Variants in KDM4C observed in about 807,000 individuals in gnomAD.
KDM4C encodes lysine demethylase 4C.
KDM4C carries 81 observed loss-of-function variants against 129.3 expected under a neutral mutation model. The observed-to-expected ratio is 0.63, with a 90% confidence interval of 0.52 to 0.75. KDM4C has a LOEUF of 0.75. Among genes scored for constraint, KDM4C ranks in the 30% least tolerant of loss-of-function variants. KDM4C has a pLI of 0.00. For missense variants in KDM4C, 1,457 were observed against 1,304.0 expected, an observed-to-expected ratio of 1.12 and a Z score of -1.81; for synonymous variants, 573 against 456.1, an observed-to-expected ratio of 1.26 and a Z score of -3.26.
chr9:6,827,142 C>G (rs1834018785), intron 4 of KDM4C, among the ~76,000 whole-genome samples: 1 of 152,184 alleles, frequency 6.6e-6, no homozygotes, highest in South Asian at 2.1e-4. Flanking sequence ...AGATTGAAGA[C>G]TTTATTAAAC....
chr9:7,154,345 G>C (rs1415594293), intron 19 of KDM4C, among the ~76,000 whole-genome samples: 1 of 152,216 alleles, frequency 6.6e-6, no homozygotes, highest in Non-Finnish European at 1.5e-5. Flanking sequence ...ACTGCCAGAG[G>C]AGCCAAACTA....
chr9:7,138,641 CTCT>C (rs1841447303), intron 19 of KDM4C, among the ~76,000 whole-genome samples: 1 of 151,868 alleles, frequency 6.6e-6, no homozygotes, highest in Non-Finnish European at 1.5e-5. Context: ...ATAGAAAGAC[CTCT>C]TCTTTACAAA....
At chr9:6,757,686 C>G (rs551488561), upstream of KDM4C, 4 of 985,508 alleles carry the variant, frequency 4.1e-6, no homozygotes, top group Non-Finnish European at 4.8e-6. Context: ...GGCGCGTGGA[C>G]TACATCAGGT....
At chr9:7,144,193 C>T (rs958701555) in intron 19 of KDM4C, among the ~76,000 whole-genome samples, 3 of 151,694 alleles carry the variant, frequency 2.0e-5, no homozygotes, top group Non-Finnish European at 4.4e-5. Context: ...TCAAGCGATA[C>T]GCTCACCTCG....
chr9:7,135,450 C>T (rs1841098577), intron 19 of KDM4C, among the ~76,000 whole-genome samples: 1 of 152,116 alleles, frequency 6.6e-6, no homozygotes, highest in Admixed American at 6.5e-5. Context: ...CTACCTTGAA[C>T]TTGAGAGCAG....
At chr9:7,066,007 A>C (rs963734311) in intron 17 of KDM4C, among the ~76,000 whole-genome samples, 20 of 152,124 alleles carry the variant, frequency 1.3e-4, no homozygotes, top group Non-Finnish European at 2.5e-4. Flanking sequence ...AAAAAAAAAA[A>C]AAACTGTAAT....
chr9:7,049,155 G>A lies in KDM4C; in HGVS notation c.2379G>A (p.Arg793=). Residue 793 remains arginine, a synonymous_variant, in exon 17 of 22, where the codon AGG becomes AGA. Coordinates refer to ENST00000381309, the MANE Select transcript of KDM4C (RefSeq NM_015061.6). The part of the protein sequence containing the change: ...PEVRFTNVPE[R]TQIDVGRIPL... ...TTCGATTCACTAATGTCCCAGAAAG[G>A]ACACAAATAGATGTAGGCAGAATAC... 3 of 1,612,236 alleles carry A rather than the reference G, an allele frequency of 1.9e-6. No homozygotes were observed. The highest frequency in any genetic ancestry group is 2.5e-6 in the Non-Finnish European group (3 of 1,178,676).
chr9:7,021,851 C>G (rs1824917900), intron 15 of KDM4C, among the ~76,000 whole-genome samples: 1 of 152,098 alleles, frequency 6.6e-6, no homozygotes, highest in Non-Finnish European at 1.5e-5. Flanking sequence ...AGATAGGGGT[C>G]AAGTTTCATT....
At chr9:6,955,041 T>A (rs1353975184) in intron 8 of KDM4C, among the ~76,000 whole-genome samples, 1 of 152,174 alleles carries the variant, frequency 6.6e-6, no homozygotes, top group Admixed American at 6.5e-5. Context: ...CTAAAGGAAT[T>A]TTGTGGCTAG....
At chr9:6,784,446 C>T (rs1047595521) in intron 1 of KDM4C, among the ~76,000 whole-genome samples, 1 of 152,076 alleles carries the variant, frequency 6.6e-6, no homozygotes, top group Admixed American at 6.6e-5. Context: ...TGGCCAGGCT[C>T]GTTGTGAACT....
intron 17 of KDM4C, among the ~76,000 whole-genome samples, chr9:7,071,610 C>T (rs1833203698): frequency 6.6e-6 from 1 of 151,922 alleles, no homozygotes; most frequent in African/African-American, 2.4e-5. Context: ...ATTTTATGTA[C>T]AAAAATGAAC....
chr9:6,799,143 C>A (rs2130943258), intron 2 of KDM4C, among the ~76,000 whole-genome samples: 1 of 151,958 alleles, frequency 6.6e-6, no homozygotes, highest in Non-Finnish European at 1.5e-5. Flanking sequence ...CAGAGACACT[C>A]CTCACTTCCC....
intron 13 of KDM4C, 27 bp downstream of exon 13, chr9:7,011,906 C>G: frequency 1.3e-6 from 2 of 1,578,744 alleles, no homozygotes; most frequent in East Asian, 4.5e-5. Context: ...TCATAGTTCC[C>G]TTCACTGCTC....
chr9:6,898,992 A>C (rs1816901411), intron 8 of KDM4C, among the ~76,000 whole-genome samples: 2 of 151,756 alleles, frequency 1.3e-5, no homozygotes, highest in South Asian at 2.1e-4. Flanking sequence ...TTGGCATTTC[A>C]ATTTTAAGTG....
intron 5 of KDM4C, among the ~76,000 whole-genome samples, chr9:6,858,373 A>G (rs569346766): frequency 2.6e-5 from 4 of 152,186 alleles, no homozygotes; most frequent in South Asian, 2.1e-4. Flanking sequence ...ACCACCACCT[A>G]CAACATTGAC....
intron 5 of KDM4C, among the ~76,000 whole-genome samples, chr9:6,857,159 A>G (rs1840009411): frequency 6.6e-6 from 1 of 152,214 alleles, no homozygotes; most frequent in South Asian, 2.1e-4. Context: ...ATGCCTGGCC[A>G]TTGTATGTTT....
chr9:7,037,030 C>T (rs1827774989), intron 15 of KDM4C, among the ~76,000 whole-genome samples: 1 of 152,146 alleles, frequency 6.6e-6, no homozygotes, highest in Non-Finnish European at 1.5e-5. Context: ...CCAGCTCTGT[C>T]CTTCGGTGAG....
At chr9:6,865,157 C>A (rs189806071) in intron 5 of KDM4C, among the ~76,000 whole-genome samples, 1 of 151,796 alleles carries the variant, frequency 6.6e-6, no homozygotes, top group Non-Finnish European at 1.5e-5. Flanking sequence ...TGCAGGTGCC[C>A]GCCACCACAC....
chr9:6,917,486 T>C (rs1820534970), intron 8 of KDM4C, among the ~76,000 whole-genome samples: 1 of 152,218 alleles, frequency 6.6e-6, no homozygotes, highest in East Asian at 1.9e-4. Flanking sequence ...CACTTTGTTA[T>C]ACTCATCTGG....
Sources: allele counts gnomAD v4.1 joint callset (sites outside exome capture counted in the v4.1 genomes callset), GRCh38; gene constraint gnomAD v4.1.1; transcripts MANE v1.5; gene names NCBI Gene and HGNC (gene_info 2026-07-23, HGNC 2026-07-21).